Variants in KATNAL2 observed in about 807,000 individuals in gnomAD.
KATNAL2 encodes the protein katanin catalytic subunit A1 like 2, also known as katanin p60 ATPase-containing subunit A-like 2.
KATNAL2 carries 52 observed loss-of-function variants against 76.3 expected under a neutral mutation model. The ratio of observed to expected loss-of-function variants is 0.68; its 90% confidence interval spans 0.55 to 0.86. The LOEUF (loss-of-function observed/expected upper bound fraction) is 0.86. Among genes scored for constraint, KATNAL2 ranks in the 40% least tolerant of loss-of-function variants. The pLI is 0.00. For missense variants in KATNAL2, 660 were observed against 668.9 expected (o/e 0.99, Z 0.15); for synonymous variants, 243 against 244.2 (o/e 1.00, Z 0.05).
chr18:47,033,436 C>A, intron 3 of KATNAL2: 13 of 1,613,768 alleles, frequency 8.1e-6, no homozygotes, highest in Non-Finnish European at 1.0e-5. Flanking sequence ...GTCCGGAAGC[C>A]GCAGGTACTG....
chr18:46,918,822 C>CT (rs1300267574), intron 1 of KATNAL2, among the ~76,000 whole-genome samples: 1 of 152,122 alleles, frequency 6.6e-6, no homozygotes, highest in Non-Finnish European at 1.5e-5. Context: ...TCAGGTTTCA[C>CT]TTTAAGTGTC....
intron 3 of KATNAL2, among the ~76,000 whole-genome samples, chr18:46,955,140 C>CTCTCTTTTTCTTTCTTTCTTTCTTTCTT (rs1555834717): frequency 1.2e-5 from 1 of 85,020 alleles, no homozygotes; most frequent in African/African-American, 4.5e-5. Flanking sequence ...CTTTCTCTCT[C>CTCTCTTTTTCTTTCTTTCTTTCTTTCTT]TCTTTCTTTC....
intron 3 of KATNAL2, among the ~76,000 whole-genome samples, chr18:46,959,037 C>A (rs951047103): frequency 2.0e-5 from 3 of 152,056 alleles, no homozygotes; most frequent in African/African-American, 7.2e-5. Context: ...TGTTAAAATG[C>A]CTTAGTTTTT....
At position 46,918,318 on chromosome 18, in the gene KATNAL2, A is replaced by C. The variant is rs146199188; in HGVS notation, c.-510+392A>C. 5.5e-3 allele frequency among the ~76,000 whole-genome samples: 833 copies of C among 152,256 alleles called. 4 individuals are homozygous for C. Among genetic ancestry groups the C allele is most frequent in the Non-Finnish European group, 9.3e-3 (631 of 68,008 alleles). On this transcript the variant is annotated intron_variant, in intron 1 of 17. Transcript: ENST00000683218. ...TTGAAGAATTGGGTGGAACCCACAC[A>C]CGAGAGGTCTTTAAAACAATGTAAC...
chr18:46,954,515 C>T (rs928374522), intron 3 of KATNAL2, among the ~76,000 whole-genome samples: 3 of 150,328 alleles, frequency 2.0e-5, no homozygotes, highest in African/African-American at 7.4e-5. Context: ...ATTTTTAGTA[C>T]AGACAGGGTT....
At chr18:47,076,068 G>A (rs1267229252) in intron 14 of KATNAL2, 1 of 151,926 alleles carries the variant, frequency 6.6e-6, no homozygotes, top group Non-Finnish European at 1.5e-5. Context: ...ACTAAATCTG[G>A]CACCCCTGGC....
At chr18:47,084,220 T>A (rs575132375) in intron 15 of KATNAL2, 68 of 631,232 alleles carry the variant, frequency 1.1e-4, no homozygotes, top group Non-Finnish European at 1.7e-4. Context: ...CTGTTATCTA[T>A]GTTAACCTAC....
At position 47,051,223 on chromosome 18, in the gene KATNAL2, C is replaced by T. The variant is rs1357746686; in HGVS notation, c.123-1657C>T. On this transcript the variant is annotated intron_variant, in intron 4 of 17. Coordinates refer to ENST00000683218, the MANE Select transcript of KATNAL2 (RefSeq NM_001387690.1). Reference sequence around the variant, plus strand: ...CTCAGCTCACTTGAGACCAGACGTTCGGGACCAGCCTGGGCAGCACAGCAA... The same window carrying T: ...CTCAGCTCACTTGAGACCAGACGTTTGGGACCAGCCTGGGCAGCACAGCAA... Among the ~76,000 whole-genome samples the T allele has an allele frequency of 3.9e-5, 6 of 152,118 alleles. 1 individual carries two copies. The Middle Eastern group carries it at 0.014, about 345-fold the overall frequency.
In KATNAL2 at chr18:47,100,832, T is replaced by C. The variant is rs370344118; in HGVS notation, c.1478-34T>C. On this transcript the variant is annotated intron_variant, in intron 17 of 17. Transcript: ENST00000683218. Reference sequence around the variant, plus strand: ...AGAGCATTGATCACCAAGAGGTCGATTGTTGTGCTGTTACTGTTGTGTTCT... The same window carrying C: ...AGAGCATTGATCACCAAGAGGTCGACTGTTGTGCTGTTACTGTTGTGTTCT... 165 of 1,613,518 alleles carry C rather than the reference T, an allele frequency of 1.0e-4. 5 individuals carry two copies. In the South Asian group the frequency reaches 1.5e-3, roughly 15 times the overall value.
chr18:47,074,697 A>G (rs1052954532), intron 13 of KATNAL2, among the ~76,000 whole-genome samples: 6 of 152,070 alleles, frequency 3.9e-5, no homozygotes, highest in Non-Finnish European at 7.4e-5. Flanking sequence ...ATCGTATTCA[A>G]TTGAGAATTG....
intron 9 of KATNAL2, 94 bp downstream of exon 9, chr18:47,063,164 C>T: frequency 6.9e-7 from 1 of 1,440,004 alleles, no homozygotes; most frequent in Non-Finnish European, 9.7e-7. Flanking sequence ...ACCTTGAGAT[C>T]AAGTTAAAGG....
intron 11 of KATNAL2, among the ~76,000 whole-genome samples, chr18:47,068,301 A>G (rs897508324): frequency 6.6e-6 from 1 of 152,232 alleles, no homozygotes; most frequent in Non-Finnish European, 1.5e-5. Context: ...CACTGAGCCC[A>G]TGTGGCCCCT....
At chr18:47,072,246 G>A (rs375462457) in intron 13 of KATNAL2, among the ~76,000 whole-genome samples, 2 of 151,312 alleles carry the variant, frequency 1.3e-5, no homozygotes, top group East Asian at 2.0e-4. Flanking sequence ...ATGAGCCACC[G>A]TGCCCAGCCT....
chr18:47,034,724 G>T, intron 3 of KATNAL2: 1 of 1,613,060 alleles, frequency 6.2e-7, no homozygotes, highest in Non-Finnish European at 8.5e-7. Context: ...GGGCCCTCGG[G>T]CATCCGGAGG....
chr18:47,064,957 C>T (rs2061743989), intron 10 of KATNAL2, among the ~76,000 whole-genome samples: 1 of 152,264 alleles, frequency 6.6e-6, no homozygotes, highest in African/African-American at 2.4e-5. Context: ...CTGCTGTTAT[C>T]TATGGATGCT....
chr18:47,088,419 T>C (rs2062865211), intron 15 of KATNAL2, among the ~76,000 whole-genome samples: 1 of 152,218 alleles, frequency 6.6e-6, no homozygotes, highest in Non-Finnish European at 1.5e-5. Flanking sequence ...GGCTACTCCA[T>C]CTTGGCCAAA....
intron 15 of KATNAL2, among the ~76,000 whole-genome samples, chr18:47,096,183 T>C (rs1285039919): frequency 1.3e-5 from 2 of 152,150 alleles, no homozygotes; most frequent in Non-Finnish European, 1.5e-5. Flanking sequence ...GATTCAGATA[T>C]GTTCCCTGGA....
intron 15 of KATNAL2, chr18:47,091,155 G>A (rs1404021125): frequency 6.6e-6 from 1 of 152,232 alleles, no homozygotes; most frequent in Non-Finnish European, 1.5e-5. Flanking sequence ...GAGACAGGAC[G>A]AGGGACTTAG....
At chr18:46,930,851 C>G (rs1024525977) in intron 1 of KATNAL2, among the ~76,000 whole-genome samples, 1 of 150,532 alleles carries the variant, frequency 6.6e-6, no homozygotes. Context: ...ACCTGTAATC[C>G]CAGCACTTTG....
Sources: allele counts gnomAD v4.1 joint callset (sites outside exome capture counted in the v4.1 genomes callset), GRCh38; gene constraint gnomAD v4.1.1; transcripts MANE v1.5; gene names NCBI Gene and HGNC (gene_info 2026-07-23, HGNC 2026-07-21).